Variants in MAVS observed in about 807,000 individuals in gnomAD.
The protein encoded by MAVS is mitochondrial antiviral-signaling protein.
A neutral mutation model predicts 30.2 loss-of-function variants in MAVS; 20 were observed. That is an observed-to-expected ratio of 0.66 (90% CI 0.47 to 0.96). The LOEUF is 0.96. Ranked by LOEUF, MAVS falls within the 40% of genes least tolerant of loss-of-function variation. MAVS has a pLI of 0.00. For missense variants in MAVS, 624 were observed against 701.1 expected (o/e 0.89, Z 1.24); for synonymous variants, 278 against 293.9 (o/e 0.95, Z 0.55).
chr20:3,854,898 T>C (rs1333540893), intron 2 of MAVS, among the ~76,000 whole-genome samples, 157 bp downstream of exon 2: 7 of 149,236 alleles, frequency 4.7e-5, no homozygotes, highest in Admixed American at 2.0e-4. Context: ...TTTCTTTTTT[T>C]TTTTTTTTTT....
intron 1 of MAVS, among the ~76,000 whole-genome samples, chr20:3,853,263 C>G (rs780793936): frequency 1.5e-3 from 230 of 150,246 alleles, no homozygotes; most frequent in South Asian, 4.6e-3. Flanking sequence ...GAGGCGGGCG[C>G]ATCACGAGGT....
chr20:3,861,968 C>T (rs577462393), intron 4 of MAVS, among the ~76,000 whole-genome samples: 6 of 152,256 alleles, frequency 3.9e-5, no homozygotes, highest in South Asian at 2.1e-4. Context: ...AGGCTGGTCT[C>T]GAACTCCTGA....
rs2089909845 is a variant in MAVS at position 3,866,472 on chromosome 20, G to C, written c.*325G>C. ...GCTTCCTCCTCCAGGCCTCAGCCCT[G>C]TTGGCCCAGGTGGAGCAGGAGGGAC... On this transcript the variant is annotated 3_prime_UTR_variant, in exon 7 of 7. Coordinates refer to ENST00000428216, the MANE Select transcript of MAVS (RefSeq NM_020746.5). The C allele has an allele frequency of 2.4e-6, 1 of 411,276 alleles. No homozygotes were observed. Among genetic ancestry groups the C allele is most frequent in the African/African-American group, 2.0e-5 (1 of 50,100 alleles). 25.5% of individuals were successfully genotyped at this position (411,276 alleles called of 1,614,324 possible).
intron 1 of MAVS, among the ~76,000 whole-genome samples, chr20:3,853,322 T>TG (rs1555779840): frequency 6.7e-6 from 1 of 149,694 alleles, no homozygotes; most frequent in African/African-American, 2.5e-5. Flanking sequence ...CCGTCTCTAC[T>TG]AAAATACAAA....
intron 1 of MAVS, among the ~76,000 whole-genome samples, chr20:3,853,299 ACCCC>A (rs2089779042): frequency 2.0e-5 from 3 of 149,618 alleles, no homozygotes; most frequent in Non-Finnish European, 1.5e-5. Flanking sequence ...ATCCTGGCTA[ACCCC>A]GTGAAACCCC....
chr20:3,851,422 C>T (rs2089758605), intron 1 of MAVS, among the ~76,000 whole-genome samples: 1 of 147,488 alleles, frequency 6.8e-6, no homozygotes, highest in Non-Finnish European at 1.5e-5. Context: ...AGGAGAATTG[C>T]TTGAATGTGG....
chr20:3,865,990 C>T lies in MAVS; in HGVS notation c.1466C>T (p.Pro489Leu), dbSNP rs773414275. 3.0e-5 allele frequency: 48 copies of T among 1,612,922 alleles called. No individual in the cohort carries two copies. Among genetic ancestry groups the T allele is most frequent in the Non-Finnish European group, 3.6e-5 (43 of 1,179,996 alleles). ...LEGNPGPPADPDGGPRPQADR... is the reference protein window; with the variant it reads ...LEGNPGPPADLDGGPRPQADR... ...GGCAACCCTGGGCCACCTGCGGACCCGGATGGCGGCCCCAGGCCACAAGCC... is the reference window on the plus strand; with the variant it reads ...GGCAACCCTGGGCCACCTGCGGACCTGGATGGCGGCCCCAGGCCACAAGCC... The change falls in exon 7 of 7, where the codon CCG becomes CTG. Residue 489 changes from proline to leucine, a missense_variant. Coordinates refer to ENST00000428216, the MANE Select transcript of MAVS (RefSeq NM_020746.5). This position sits in a 1 kb window ranked among gnomAD's most constrained non-coding sequence, Gnocchi z 4.7.
chr20:3,860,303 C>A (rs1008451427), intron 3 of MAVS, among the ~76,000 whole-genome samples: 4 of 151,680 alleles, frequency 2.6e-5, no homozygotes, highest in Admixed American at 1.3e-4. Flanking sequence ...CTTCGGCTCA[C>A]CACAACCTCT....
intron 1 of MAVS, among the ~76,000 whole-genome samples, chr20:3,850,830 G>A (rs2089753585): frequency 6.7e-6 from 1 of 149,444 alleles, no homozygotes; most frequent in African/African-American, 2.5e-5. Flanking sequence ...AGCTTGCAGT[G>A]AGCCGAGATT....
chr20:3,866,068 C>T lies in MAVS; in HGVS notation c.1544C>T (p.Ala515Val). The change falls in exon 7 of 7, where the codon GCT becomes GTT. Residue 515 changes from alanine to valine, a missense_variant. Coordinates refer to ENST00000428216, the MANE Select transcript of MAVS (RefSeq NM_020746.5). ...EVPCHRPSPGALWLQVAVTGV... is the reference protein window; with the variant it reads ...EVPCHRPSPGVLWLQVAVTGV... ...CCATGCCACAGGCCCTCACCTGGGG[C>T]TCTGTGGCTCCAGGTGGCTGTGACA... The T allele has an allele frequency of 2.5e-6, 4 of 1,611,964 alleles. No homozygotes were observed. In the South Asian group the frequency reaches 3.3e-5, roughly 13 times the overall value.
chr20:3,847,724 T>C (rs2146750568), intron 1 of MAVS, among the ~76,000 whole-genome samples: 1 of 152,232 alleles, frequency 6.6e-6, no homozygotes, highest in South Asian at 2.1e-4. Context: ...CAAGTGACCT[T>C]GGGTCCTCTT....
At chr20:3,850,933 C>CTCAG (rs1362253752) in intron 1 of MAVS, among the ~76,000 whole-genome samples, 107 of 151,384 alleles carry the variant, frequency 7.1e-4, no homozygotes, top group Admixed American at 4.4e-3. Flanking sequence ...GCCACAGTGG[C>CTCAG]TCAGCACTGT....
Position 3,868,874 on chromosome 20 carries a change from ACT to A in MAVS, c.*2730_*2731del, listed in dbSNP as rs2089930930. ...ACTCCAGCCTGGGTGACCGAGTGAT[ACT>A]CTGTCTCAAAGAAAAAAAATTATAA... is the stretch of plus-strand genomic sequence containing the variant. On this transcript the variant is annotated 3_prime_UTR_variant, in exon 7 of 7. Coordinates refer to ENST00000428216, the MANE Select transcript of MAVS (RefSeq NM_020746.5). The A allele has an allele frequency of 6.6e-6, 1 of 152,150 alleles. No homozygotes were observed. The highest frequency in any genetic ancestry group is 1.5e-5 in the Non-Finnish European group (1 of 68,026). The allele number at this position is 152,150 out of a possible 1,614,324, so 9.4% of individuals were successfully genotyped here. A position where few individuals can be genotyped will look rare whatever the true frequency, so the allele number is the denominator to read the frequency against.
chr20:3,853,329 CA>C (rs1189898540), intron 1 of MAVS, among the ~76,000 whole-genome samples: 2 of 150,232 alleles, frequency 1.3e-5, no homozygotes, highest in African/African-American at 2.4e-5. Context: ...TACTAAAATA[CA>C]AAAAAATTAG....
intron 1 of MAVS, among the ~76,000 whole-genome samples, chr20:3,850,361 G>A (rs1472167343): frequency 6.6e-6 from 1 of 151,382 alleles, no homozygotes; most frequent in Non-Finnish European, 1.5e-5. Context: ...ACTTTGGGAG[G>A]CCGAGGTGAG....
chr20:3,864,372 G>T lies in MAVS; in HGVS notation c.742G>T (p.Val248Leu). ...SRLPGPTGSV[V>L]STGTSFSSSS... ...CTTGCCTGGACCCACAGGGTCAGTT[G>T]TATCTACTGGCACCTCCTTCTCCTC... The change falls in exon 6 of 7, where the codon GTA becomes TTA. Residue 248 changes from valine (V) to leucine (L), a missense_variant. Val to Leu is a conservative substitution (Grantham distance 32). Transcript: ENST00000428216. 1 of 1,614,126 alleles carries T rather than the reference G, an allele frequency of 6.2e-7. No individual in the cohort carries two copies. Among genetic ancestry groups the T allele is most frequent in the Non-Finnish European group, 8.5e-7 (1 of 1,180,026 alleles).
rs1312417233 is a variant in MAVS, at chr20:3,861,459, C to T, written c.420C>T (p.Tyr140=). The T allele has an allele frequency of 1.2e-6, 2 of 1,614,140 alleles. No homozygotes were observed. The highest frequency in any genetic ancestry group is 2.2e-5 in the East Asian group (1 of 44,882). ...YNSCREKEPS[Y]PMPVQETQAP... ...GCTGCAGAGAGAAGGAGCCAAGTTACCCCATGCCTGTCCAGGAGACCCAGG... is the reference window on the plus strand; with the variant it reads ...GCTGCAGAGAGAAGGAGCCAAGTTATCCCATGCCTGTCCAGGAGACCCAGG... The change falls in exon 4 of 7, where the codon TAC becomes TAT. Residue 140 remains tyrosine (Y), a synonymous_variant. Transcript: ENST00000428216.
chr20:3,866,695 C>T lies in MAVS; in HGVS notation c.*548C>T. On this transcript the variant is annotated 3_prime_UTR_variant, in exon 7 of 7. Transcript: ENST00000428216. Reference sequence around the variant, plus strand: ...GGAGCCCAACTGCCTTGAGTTCCTGCCCCACTGGGCCCCCTCCCCTGCTGG... The same window carrying T: ...GGAGCCCAACTGCCTTGAGTTCCTGTCCCACTGGGCCCCCTCCCCTGCTGG... 1 of 359,050 alleles carries T rather than the reference C, an allele frequency of 2.8e-6. No homozygotes were observed. The allele number at this position is 359,050 out of a possible 1,614,324, so 22.2% of individuals were successfully genotyped here.
chr20:3,857,516 G>C, intron 2 of MAVS, 119 bp from the exon 3 acceptor site: 1 of 1,206,994 alleles, frequency 8.3e-7, no homozygotes, highest in East Asian at 2.4e-5. Context: ...CCAGTTTCAC[G>C]TGGCTGCCTT....
Sources: gnomAD v4.1 joint callset for allele counts (sites outside exome capture counted in the v4.1 genomes callset) on GRCh38, gnomAD v4.1.1 for gene constraint, Gnocchi (gnomAD v3.1) non-coding constraint, MANE v1.5 for transcripts, NCBI Gene and HGNC (gene_info 2026-07-23, HGNC 2026-07-21) for gene names.